ESR1: variants seen among roughly 807,000 people sequenced by gnomAD.
ESR1 encodes estrogen receptor.
ESR1 carries 12 observed loss-of-function variants against 52.7 expected under a neutral mutation model. The ratio of observed to expected loss-of-function variants is 0.23; its 90% CI spans 0.15 to 0.37. The LOEUF is 0.37. ESR1 is among the 10% of genes least tolerant of loss of function. The probability of loss-of-function intolerance (pLI) is 1.00; values close to 1 mark genes in which losing one functional copy is unlikely to be tolerated. For missense variants in ESR1, 584 were observed against 779.7 expected (o/e 0.75, Z 2.99); for synonymous variants, 305 against 316.8 (o/e 0.96, Z 0.39).
At chr6:151,845,573 A>C (rs1010758177) in intron 2 of ESR1, among the ~76,000 whole-genome samples, 6 of 152,148 alleles carry the variant, frequency 3.9e-5, no homozygotes, top group African/African-American at 1.4e-4. Flanking sequence ...ATCTCAAAAA[A>C]CAAACAAAAC....
intron 5 of ESR1, among the ~76,000 whole-genome samples, chr6:152,016,459 A>T (rs1407335392): frequency 6.6e-6 from 1 of 152,150 alleles, no homozygotes; most frequent in Non-Finnish European, 1.5e-5. Flanking sequence ...ATTAAATTTC[A>T]ATATTATTTA....
chr6:151,675,440 G>A (rs1164419025), intron 1 of ESR1, among the ~76,000 whole-genome samples: 2 of 151,954 alleles, frequency 1.3e-5, no homozygotes, highest in East Asian at 1.9e-4. Flanking sequence ...AAACCAAGAG[G>A]GTTAGGGGAA....
intron 4 of ESR1, among the ~76,000 whole-genome samples, chr6:151,962,061 G>C (rs2037734348): frequency 6.6e-6 from 1 of 152,168 alleles, no homozygotes; most frequent in Non-Finnish European, 1.5e-5. Flanking sequence ...AGTGGATGTT[G>C]AGTGGCTAGG....
At chr6:151,866,478 G>GC (rs1562492617) in intron 2 of ESR1, among the ~76,000 whole-genome samples, 1 of 151,540 alleles carries the variant, frequency 6.6e-6, no homozygotes, top group Non-Finnish European at 1.5e-5. Flanking sequence ...CCCTTCCCTA[G>GC]CCCCCCACCC....
chr6:151,686,574 G>C (rs1778688934), upstream of ESR1, among the ~76,000 whole-genome samples: 1 of 152,180 alleles, frequency 6.6e-6, no homozygotes, highest in Non-Finnish European at 1.5e-5. Flanking sequence ...TGTAGTCCCA[G>C]CTACTCAGAA....
chr6:151,959,988 C>CTATG (rs2037465856), intron 4 of ESR1, among the ~76,000 whole-genome samples: 1 of 152,126 alleles, frequency 6.6e-6, no homozygotes, highest in African/African-American at 2.4e-5. Flanking sequence ...AATGTAAGTT[C>CTATG]TATGAGGGCA....
At position 151,808,175 on chromosome 6, in the gene ESR1, C is replaced by T. The variant is rs1778178459; in HGVS notation, c.263C>T (p.Ala88Val). 1 of 1,583,682 alleles carries T rather than the reference C, an allele frequency of 6.3e-7. No individual in the cohort carries two copies. The change falls in exon 1 of 8, where the codon GCG (alanine) becomes GTG (valine). Residue 88 changes from alanine (A) to valine (V), a missense_variant. Ala to Val is a moderately conservative substitution (Grantham distance 64). Transcript: ENST00000206249. ...TACGGCCCCGGGTCTGAGGCTGCGG[C>T]GTTCGGCTCCAACGGCCTGGGGGGT... ...LPYGPGSEAA[A>V]FGSNGLGGFP...
At chr6:151,868,514 C>A (rs997284128) in intron 2 of ESR1, among the ~76,000 whole-genome samples, 6 of 152,144 alleles carry the variant, frequency 3.9e-5, no homozygotes, top group Admixed American at 1.3e-4. Flanking sequence ...TCTTTATGTT[C>A]ATGTGTACCA....
At chr6:152,047,818 C>G (rs572337418) in intron 5 of ESR1, among the ~76,000 whole-genome samples, 1 of 152,028 alleles carries the variant, frequency 6.6e-6, no homozygotes. Context: ...GTCGCTTGGC[C>G]GGGGGAATTA....
At chr6:151,677,020 C>T (rs533137270) in intron 1 of ESR1, among the ~76,000 whole-genome samples, 1 of 152,252 alleles carries the variant, frequency 6.6e-6, no homozygotes, top group East Asian at 1.9e-4. Flanking sequence ...GTTCTTTATA[C>T]ATATATATCC....
At chr6:151,898,653 C>T (rs867477737) in intron 3 of ESR1, among the ~76,000 whole-genome samples, 4 of 152,172 alleles carry the variant, frequency 2.6e-5, no homozygotes, top group South Asian at 2.1e-4. Flanking sequence ...CATCTTGCAC[C>T]GCCCTTAATC....
chr6:152,129,102 C>T (rs2054553101), exon 7 of ESR1: 2 of 152,252 alleles, frequency 1.3e-5, no homozygotes, highest in Non-Finnish European at 2.9e-5. Context: ...ATGTGGCTGT[C>T]CCAGCTGCAA....
intron 4 of ESR1, among the ~76,000 whole-genome samples, chr6:152,009,772 T>C (rs986827271): frequency 6.6e-6 from 1 of 152,150 alleles, no homozygotes; most frequent in Non-Finnish European, 1.5e-5. Flanking sequence ...ATTCAAAAAC[T>C]TGTAAATAAA....
At chr6:151,860,462 A>G (rs1254853695) in intron 2 of ESR1, among the ~76,000 whole-genome samples, 1 of 152,152 alleles carries the variant, frequency 6.6e-6, no homozygotes, top group Non-Finnish European at 1.5e-5. Flanking sequence ...ATAGGTATAT[A>G]GTGTGTGTGA....
At chr6:151,894,883 TC>T (rs746182870) in intron 3 of ESR1, among the ~76,000 whole-genome samples, 2 of 152,152 alleles carry the variant, frequency 1.3e-5, no homozygotes, top group Non-Finnish European at 2.9e-5. Flanking sequence ...CTTTTTTGGT[TC>T]CATATTAATT....
rs576185446 is a variant in ESR1 at position 151,729,488 on chromosome 6, G to T, written c.-71+27483G>T. 9.5e-4 allele frequency among the ~76,000 whole-genome samples: 145 copies of T among 152,262 alleles called. 1 individual carries two copies. The Middle Eastern group carries it at 0.034, about 36-fold the overall frequency. On this transcript the variant is annotated intron_variant, in intron 2 of 2. Transcript: ENST00000404742. The stretch of plus-strand genomic sequence containing the variant: ...CTGAGGCAGGAACTGAGCAGAGTAC[G>T]CAGGGGAATTAATAATGCTTGGACC...
intron 4 of ESR1, among the ~76,000 whole-genome samples, chr6:151,981,042 GA>G (rs1454501095): frequency 2.6e-5 from 4 of 152,150 alleles, no homozygotes; most frequent in African/African-American, 7.2e-5. Context: ...CTTAGTAGGA[GA>G]CTAATTTTAT....
intron 1 of ESR1, among the ~76,000 whole-genome samples, chr6:151,672,729 T>C (rs1325465150): frequency 6.6e-6 from 1 of 151,858 alleles, no homozygotes; most frequent in African/African-American, 2.4e-5. Context: ...CACCTCGGCC[T>C]CCCAGAGTGC....
At chr6:151,722,992 G>A (rs1163993988) in intron 2 of ESR1, among the ~76,000 whole-genome samples, 1 of 152,202 alleles carries the variant, frequency 6.6e-6, no homozygotes, top group Non-Finnish European at 1.5e-5. Flanking sequence ...GGATTTGGAA[G>A]GGGATAATGG....
Sources: gnomAD v4.1 joint callset for allele counts (sites outside exome capture counted in the v4.1 genomes callset) on GRCh38, gnomAD v4.1.1 for gene constraint, MANE v1.5 for transcripts, NCBI Gene and HGNC (gene_info 2026-07-23, HGNC 2026-07-21) for gene names.